The following PLA2G4B variants were observed in gnomAD, a reference collection of about 807,000 sequenced individuals.
PLA2G4B encodes the protein cytosolic phospholipase A2 beta.
A neutral mutation model predicts 95.8 loss-of-function variants in PLA2G4B; 122 were observed. The ratio of observed to expected loss-of-function variants is 1.27; its 90% CI spans 1.10 to 1.48. PLA2G4B has a LOEUF of 1.48. PLA2G4B is among the 40% of genes most tolerant of loss of function. The pLI is 0.00. For missense variants in PLA2G4B, 1,158 were observed against 996.2 expected (o/e 1.16, Z -2.19); for synonymous variants, 518 against 421.5 (o/e 1.23, Z -2.80).
chr15:41,842,839 T>C (rs1190437909), intron 10 of PLA2G4B: 2 of 503,578 alleles, frequency 4.0e-6, no homozygotes, highest in African/African-American at 4.0e-5. Context: ...TTGATAAATG[T>C]TTGGCTGGAA....
At position 41,847,322 on chromosome 15, in the gene PLA2G4B, C is replaced by G; in HGVS notation, c.1948-15C>G. 1.3e-6 allele frequency: 2 copies of G among 1,584,566 alleles called. No individual in the cohort carries two copies. Among genetic ancestry groups the G allele is most frequent in the Non-Finnish European group, 1.7e-6 (2 of 1,162,132 alleles). On this transcript the variant is annotated splice_polypyrimidine_tract_variant and intron_variant, in intron 18 of 19. Transcript: ENST00000458483. ...GGGCCCTGTCCCTCTGAAGCCCCTT[C>G]TGCCTGCCCTGCAGCAGTTGCAGCT...
chr15:41,847,270 C>A lies in PLA2G4B; in HGVS notation c.1948-67C>A, dbSNP rs147319482. 134 of 1,521,332 alleles carry A rather than the reference C, an allele frequency of 8.8e-5. No homozygotes were observed. The East Asian group carries it at 3.1e-3, about 35-fold the overall frequency. The allele number at this position is 1,521,332 out of a possible 1,614,324, so 94.2% of individuals were successfully genotyped here. A position where few individuals can be genotyped will look rare whatever the true frequency, so the allele number is the denominator to read the frequency against. On this transcript the variant is annotated intron_variant, in intron 18 of 19. Transcript: ENST00000458483. The stretch of plus-strand genomic sequence containing the variant: ...TGAGCCCCAGGTCCTGTGCATCTTA[C>A]GTCAGCCCCAGTGTTGAGGATGCCA...
chr15:41,845,997 C>T lies in PLA2G4B; in HGVS notation c.1550C>T (p.Ser517Leu), dbSNP rs947599415. The T allele has an allele frequency of 6.6e-7, 1 of 1,524,616 alleles. No homozygotes were observed. The highest frequency in any genetic ancestry group is 8.8e-7 in the Non-Finnish European group (1 of 1,136,838). 94.4% of individuals were successfully genotyped at this position (1,524,616 alleles called of 1,614,324 possible). The change falls in exon 16 of 20, where the codon TCA becomes TTA. Residue 517 changes from serine to leucine, a missense_variant. By Grantham distance (145) the Ser-to-Leu change is moderately radical. Transcript: ENST00000458483. Reference protein sequence around the residue: ...ANLQDSLYWASEPSQFWDRWV... With the variant: ...ANLQDSLYWALEPSQFWDRWV... ...CTCCAGGACAGCTTATACTGGGCCT[C>T]AGAGCCCAGCCAGTTCTGGGACCGC...
rs2065517136 is a variant in PLA2G4B, at chr15:41,845,270, A to G, written c.1307A>G (p.Tyr436Cys). ...CATGGCCAGAACCCTCTGCCCATCT[A>G]CTGTGCCCTCAACACCAAAGGGCAG... Reference protein sequence around the residue: ...LSHGQNPLPIYCALNTKGQSL... With the variant: ...LSHGQNPLPICCALNTKGQSL... Residue 436 changes from tyrosine to cysteine, a missense_variant, in exon 14 of 20, where the codon TAC becomes TGC. By Grantham distance (194) the Tyr-to-Cys change is radical. Coordinates refer to ENST00000458483, the MANE Select transcript of PLA2G4B (RefSeq NM_001114633.2). 4 of 1,614,032 alleles carry G rather than the reference A, an allele frequency of 2.5e-6. No homozygotes were observed. Among genetic ancestry groups the G allele is most frequent in the Non-Finnish European group, 3.4e-6 (4 of 1,180,012 alleles).
rs1346162400 is a variant in PLA2G4B, at chr15:41,844,490, T to C, written c.899T>C (p.Met300Thr). The C allele has an allele frequency of 1.9e-6, 3 of 1,614,060 alleles. No homozygotes were observed. Among genetic ancestry groups the C allele is most frequent in the Non-Finnish European group, 2.5e-6 (3 of 1,180,030 alleles). The change falls in exon 12 of 20, where the codon ATG becomes ACG. Residue 300 changes from methionine to threonine, a missense_variant. Physicochemically the swap from Met to Thr is moderately conservative, Grantham distance 81. Coordinates refer to ENST00000458483, the MANE Select transcript of PLA2G4B (RefSeq NM_001114633.2). ...TTCCAGATCCCAGTGGTAGCTATTA[T>C]GGCCACTGGTGGTGGGATCCGGGCA... is the stretch of plus-strand genomic sequence containing the variant. ...QEDEIPVVAI[M>T]ATGGGIRAMT...
In PLA2G4B at chr15:41,846,685, G is replaced by A. The variant is rs1442243513; in HGVS notation, c.1797G>A (p.Gly599=). The part of the protein sequence containing the change: ...FSTWKATTLD[G]LPNQLTPSEP... ...ACCTTCCAGCTACCACTCTGGATGGGCTCCCCAACCAGCTGACACCCTCGG... is the reference window on the plus strand; with the variant it reads ...ACCTTCCAGCTACCACTCTGGATGGACTCCCCAACCAGCTGACACCCTCGG... Residue 599 remains glycine, a synonymous_variant, in exon 18 of 20, where the codon GGG becomes GGA. Coordinates refer to ENST00000458483, the MANE Select transcript of PLA2G4B (RefSeq NM_001114633.2). 1 of 1,610,758 alleles carries A rather than the reference G, an allele frequency of 6.2e-7. No individual in the cohort carries two copies. The highest frequency in any genetic ancestry group is 1.7e-5 in the Admixed American group (1 of 59,756).
At position 41,844,505 on chromosome 15, in the gene PLA2G4B, G is replaced by C; in HGVS notation, c.914G>C (p.Gly305Ala). ...PVVAIMATGG[G>A]IRAMTSLYGQ... Reference sequence around the variant, plus strand: ...GTAGCTATTATGGCCACTGGTGGTGGGATCCGGGCAATGACTTCCCTGTAT... The same window carrying C: ...GTAGCTATTATGGCCACTGGTGGTGCGATCCGGGCAATGACTTCCCTGTAT... Residue 305 changes from glycine to alanine, a missense_variant, in exon 12 of 20, where the codon GGG becomes GCG. Physicochemically the swap from Gly to Ala is moderately conservative, Grantham distance 60 (BLOSUM62 0). Transcript: ENST00000458483. 1 of 1,614,146 alleles carries C rather than the reference G, an allele frequency of 6.2e-7. No individual in the cohort carries two copies.
intron 12 of PLA2G4B, 48 bp from the exon 13 acceptor site, chr15:41,844,800 G>A (rs373175106): frequency 2.6e-5 from 41 of 1,560,828 alleles, no homozygotes; most frequent in East Asian, 9.4e-5. Flanking sequence ...GGGTCTAGAC[G>A]GGGTCCTTCA....
chr15:41,844,941 G>C lies in PLA2G4B; in HGVS notation c.1110G>C (p.Lys370Asn). The C allele has an allele frequency of 1.9e-6, 3 of 1,612,134 alleles. No individual in the cohort carries two copies. The highest frequency in any genetic ancestry group is 2.5e-6 in the Non-Finnish European group (3 of 1,179,346). Reference sequence around the variant, plus strand: ...TGAAGACCCAGGTGACCAAGAACAAGCTGGGTGTGCTGGCCCCCAGCCAGC... The same window carrying C: ...TGAAGACCCAGGTGACCAAGAACAACCTGGGTGTGCTGGCCCCCAGCCAGC... The part of the protein sequence containing the change: ...ELLKTQVTKN[K>N]LGVLAPSQLQ... Residue 370 changes from lysine to asparagine, a missense_variant, in exon 13 of 20, where the codon AAG becomes AAC. Lys to Asn is a moderately conservative substitution (Grantham distance 94, BLOSUM62 0). Coordinates refer to ENST00000458483, the MANE Select transcript of PLA2G4B (RefSeq NM_001114633.2).
rs1219148265 is a variant in PLA2G4B, at chr15:41,841,915, C to T, written c.587C>T (p.Ala196Val). The T allele has an allele frequency of 1.2e-6, 2 of 1,613,054 alleles. No homozygotes were observed. Among genetic ancestry groups the T allele is most frequent in the African/African-American group, 1.3e-5 (1 of 74,898 alleles). The stretch of plus-strand genomic sequence containing the variant: ...GGCACCTTCCGCTTCCACTGCCCAG[C>T]CTGCTGGGAGCAGGAGCTGAGTATT... ...GTGTFRFHCP[A>V]CWEQELSIRL... Residue 196 changes from alanine to valine, a missense_variant, in exon 8 of 20, where the codon GCC becomes GTC. Ala to Val is a moderately conservative substitution (Grantham distance 64). Coordinates refer to ENST00000458483, the MANE Select transcript of PLA2G4B (RefSeq NM_001114633.2).
At chr15:41,843,645 C>T (rs1184223005) in intron 10 of PLA2G4B, 31 bp from the exon 11 acceptor site, 1 of 1,606,026 alleles carries the variant, frequency 6.2e-7, no homozygotes, top group East Asian at 2.2e-5. Context: ...GGGTTGAGAG[C>T]TGTCTCACAG....
At position 41,842,355 on chromosome 15, in the gene PLA2G4B, C is replaced by T. The variant is rs367692494; in HGVS notation, c.705+79C>T. ...GCCACAAAGGGAGGGGCCTGCTTCC[C>T]GCTTCTCCGTGGGTCACACCCTGAG... On this transcript the variant is annotated intron_variant, in intron 9 of 19. Transcript: ENST00000458483. 67 of 1,588,700 alleles carry T rather than the reference C, an allele frequency of 4.2e-5. 1 individual carries two copies. Among genetic ancestry groups the T allele is most frequent in the Middle Eastern group, 3.8e-4 (2 of 5,210 alleles).
rs145554825 is a variant in PLA2G4B, at chr15:41,843,762, C to A, written c.830C>A (p.Ala277Glu). The stretch of plus-strand genomic sequence containing the variant: ...AGCAGGAGGAAGCAGGTGGTGGCCG[C>A]GGCCTTGAGGCAGGCCCTGCAGCTG... The part of the protein sequence containing the change: ...FLSRRKQVVA[A>E]ALRQALQLDG... Residue 277 changes from alanine (A) to glutamate (E), a missense_variant, in exon 11 of 20, where the codon GCG becomes GAG. Coordinates refer to ENST00000458483, the MANE Select transcript of PLA2G4B (RefSeq NM_001114633.2). The A allele has an allele frequency of 1.9e-6, 3 of 1,613,720 alleles. No homozygotes were observed. Among genetic ancestry groups the A allele is most frequent in the Non-Finnish European group, 2.5e-6 (3 of 1,179,814 alleles).
chr15:41,839,004 C>T (rs1032627574), intron 1 of PLA2G4B, 82 bp downstream of exon 1: 74 of 1,180,456 alleles, frequency 6.3e-5, no homozygotes, highest in Non-Finnish European at 8.3e-5. Context: ...CTTATGGGAG[C>T]TGTGGTCTTC....
Position 41,845,626 on chromosome 15 carries a change from G to C in PLA2G4B, c.1358-12G>C, listed in dbSNP as rs2065525561. ...CTCTGCACCATGAGGCTGAGGCGTG[G>C]ACTCCTCACAGAGTGGTGCGAGTTC... On this transcript the variant is annotated splice_polypyrimidine_tract_variant and intron_variant, in intron 14 of 19. Transcript: ENST00000458483. 3.7e-6 allele frequency: 6 copies of C among 1,613,952 alleles called. No homozygotes were observed. Among genetic ancestry groups the C allele is most frequent in the Non-Finnish European group, 5.1e-6 (6 of 1,180,002 alleles).
At chr15:41,842,070 C>T (rs991611528) in intron 8 of PLA2G4B, 121 bp downstream of exon 8, 1 of 1,558,606 alleles carries the variant, frequency 6.4e-7, no homozygotes, top group Non-Finnish European at 8.7e-7. Context: ...ATGTGTGGGC[C>T]CATGCTGGCC....
chr15:41,840,269 G>A (rs757826472), intron 2 of PLA2G4B, 39 bp downstream of exon 2: 3 of 1,609,578 alleles, frequency 1.9e-6, no homozygotes, highest in Non-Finnish European at 2.5e-6. Flanking sequence ...CTGGGCTGAG[G>A]GAGGAGGAGG....
chr15:41,841,018 C>A, intron 4 of PLA2G4B, 37 bp from the exon 5 acceptor site: 1 of 1,570,016 alleles, frequency 6.4e-7, no homozygotes, highest in Non-Finnish European at 8.7e-7. Context: ...TGCACTCCTT[C>A]TGACCCTTTC....
At position 41,847,813 on chromosome 15, in the gene PLA2G4B, G is replaced by T. The variant is rs1484762626; in HGVS notation, c.2299G>T (p.Ala767Ser). The change falls in exon 20 of 20, where the codon GCT becomes TCT. Residue 767 changes from alanine (A) to serine (S), a missense_variant. Physicochemically the swap from Ala to Ser is moderately conservative, Grantham distance 99. Transcript: ENST00000458483. ...CAACAACCAGGAGCAGCTGCTGGAG[G>T]CTCTGCGCCAGGCAGTGCAGCGGAG... ...VCNNQEQLLE[A>S]LRQAVQRRRQ... 1.2e-6 allele frequency: 2 copies of T among 1,608,428 alleles called. No homozygotes were observed. Among genetic ancestry groups the T allele is most frequent in the East Asian group, 2.2e-5 (1 of 44,892 alleles).
Sources: allele counts gnomAD v4.1 joint callset, GRCh38; gene constraint gnomAD v4.1.1; transcripts MANE v1.5; gene names NCBI Gene and HGNC (gene_info 2026-07-23, HGNC 2026-07-21).